The following KIF26B variants were observed in gnomAD, a reference collection of about 807,000 sequenced individuals.
The protein encoded by KIF26B is kinesin family member 26B.
KIF26B carries 63 observed loss-of-function variants against 151.2 expected under a neutral mutation model. The ratio of observed to expected loss-of-function variants is 0.42; its 90% CI spans 0.34 to 0.51. The LOEUF is 0.51. Among genes scored for constraint, KIF26B ranks in the 20% least tolerant of loss-of-function variants. The probability of loss-of-function intolerance (pLI) is 0.07; values close to 1 mark genes in which losing one functional copy is unlikely to be tolerated. For synonymous variants in KIF26B, 1,357 were observed against 1,262.1 expected (o/e 1.08, Z -1.59); for missense variants, 2,813 against 2,913.6 (o/e 0.97, Z 0.79).
chr1:245,188,899 G>A lies in KIF26B; in HGVS notation c.465+32216G>A, dbSNP rs142275437. ...GAAAAGGAGTGAAATTCTGAAACAGGCTACAACATGGATGAACCTTGGAGA... is the reference window on the plus strand; with the variant it reads ...GAAAAGGAGTGAAATTCTGAAACAGACTACAACATGGATGAACCTTGGAGA... On this transcript the variant is annotated intron_variant, in intron 2 of 14. Transcript: ENST00000407071. Among the ~76,000 whole-genome samples, 685 of 152,294 alleles carry A rather than the reference G, an allele frequency of 4.5e-3. 6 individuals are homozygous for A. Among genetic ancestry groups the A allele is most frequent in the African/African-American group, 0.015 (634 of 41,556 alleles).
At position 245,708,299 on chromosome 1, in the gene KIF26B, G is replaced by A. The variant is rs368223577; in HGVS notation, c.*5693G>A. On this transcript the variant is annotated 3_prime_UTR_variant, in exon 15 of 15. Transcript: ENST00000407071. ...ATTAAAGGTCTGTCTAGGAGCTGGG[G>A]GTAATCATTTACAGATGAAGAAACT... is the stretch of plus-strand genomic sequence containing the variant. The A allele has an allele frequency of 1.3e-5, 2 of 152,216 alleles. No individual in the cohort carries two copies. The highest frequency in any genetic ancestry group is 2.4e-5 in the African/African-American group (1 of 41,446). 9.4% of individuals were successfully genotyped at this position (152,216 alleles called of 1,614,324 possible). A position where few individuals can be genotyped will look rare whatever the true frequency, so the allele number is the denominator to read the frequency against.
At chr1:245,280,541 A>AAAAAAAAAG (rs74163032) in intron 2 of KIF26B, among the ~76,000 whole-genome samples, 1 of 140,162 alleles carries the variant, frequency 7.1e-6, no homozygotes, top group Admixed American at 7.3e-5. Flanking sequence ...AAAAAAAAAA[A>AAAAAAAAAG]GAAAAGAAAT....
chr1:245,553,025 G>T (rs965479940), intron 5 of KIF26B, among the ~76,000 whole-genome samples: 9 of 152,210 alleles, frequency 5.9e-5, no homozygotes, highest in Non-Finnish European at 8.8e-5. Flanking sequence ...ATTCCTAGAG[G>T]TGACACCGCT....
In KIF26B at chr1:245,534,221, G is replaced by C. The variant is rs375206868; in HGVS notation, c.1167-6546G>C. ...GCTGTCCCCCAGGCTGGTGTGCAGT[G>C]GCGTGATCTTGGCTCACTGCAACCT... On this transcript the variant is annotated intron_variant, in intron 4 of 14. Coordinates refer to ENST00000407071, the MANE Select transcript of KIF26B (RefSeq NM_018012.4). Among the ~76,000 whole-genome samples, 512 of 151,818 alleles carry C rather than the reference G, an allele frequency of 3.4e-3. 4 individuals are homozygous for C. The highest frequency in any genetic ancestry group is 0.011 in the African/African-American group (461 of 41,322).
chr1:245,391,618 G>A lies in KIF26B; in HGVS notation c.999+24251G>A, dbSNP rs1376141233. On this transcript the variant is annotated intron_variant, in intron 3 of 14. Coordinates refer to ENST00000407071, the MANE Select transcript of KIF26B (RefSeq NM_018012.4). Reference sequence around the variant, plus strand: ...GTCATGCCTTCCAAGATCATGCCACGGCACTCCAGCCTGAGTGACAAAGTA... The same window carrying A: ...GTCATGCCTTCCAAGATCATGCCACAGCACTCCAGCCTGAGTGACAAAGTA... Among the ~76,000 whole-genome samples the A allele has an allele frequency of 6.0e-5, 9 of 149,244 alleles. No individual in the cohort carries two copies. In the South Asian group the frequency reaches 8.4e-4, roughly 14 times the overall value.
At chr1:245,414,054 G>T (rs1005011234) in intron 3 of KIF26B, among the ~76,000 whole-genome samples, 1 of 152,238 alleles carries the variant, frequency 6.6e-6, no homozygotes, top group Admixed American at 6.5e-5. Context: ...CCTGTCCTTA[G>T]CTCTGTCTTG....
intron 5 of KIF26B, among the ~76,000 whole-genome samples, chr1:245,550,703 C>T (rs1009475143): frequency 8.5e-5 from 13 of 152,144 alleles, no homozygotes; most frequent in Non-Finnish European, 1.3e-4. Context: ...TGTTATGTCC[C>T]GGGGTCTGAA....
chr1:245,253,124 C>G (rs1236515058), intron 2 of KIF26B, among the ~76,000 whole-genome samples: 1 of 150,784 alleles, frequency 6.6e-6, no homozygotes, highest in African/African-American at 2.4e-5. Flanking sequence ...GTTCTCCTGT[C>G]TCAGCCTCCC....
intron 9 of KIF26B, among the ~76,000 whole-genome samples, chr1:245,645,283 A>G (rs968899690): frequency 2.6e-5 from 4 of 152,178 alleles, no homozygotes; most frequent in African/African-American, 7.2e-5. Context: ...TCACATTTCA[A>G]CATGAGATTT....
At chr1:245,329,212 T>C (rs2102990363) in intron 2 of KIF26B, among the ~76,000 whole-genome samples, 1 of 152,306 alleles carries the variant, frequency 6.6e-6, no homozygotes, top group African/African-American at 2.4e-5. Context: ...GTTTCCCAGT[T>C]GGGATCAATT....
chr1:245,429,142 A>G (rs1253409109), intron 4 of KIF26B, among the ~76,000 whole-genome samples: 1 of 152,232 alleles, frequency 6.6e-6, no homozygotes, highest in Non-Finnish European at 1.5e-5. Context: ...AATGGAGATC[A>G]TCATATCTGC....
At chr1:245,648,270 T>C (rs1190557665) in intron 10 of KIF26B, among the ~76,000 whole-genome samples, 1 of 152,268 alleles carries the variant, frequency 6.6e-6, no homozygotes, top group Non-Finnish European at 1.5e-5. Flanking sequence ...GATAGATGCA[T>C]GTAAACATGA....
At chr1:245,565,054 T>G (rs2042996046) in intron 5 of KIF26B, among the ~76,000 whole-genome samples, 1 of 152,174 alleles carries the variant, frequency 6.6e-6, no homozygotes, top group Admixed American at 6.5e-5. Context: ...TAGGGATCAC[T>G]TGAGCCCAGG....
At chr1:245,275,900 C>T (rs1007483684) in intron 2 of KIF26B, among the ~76,000 whole-genome samples, 3 of 152,118 alleles carry the variant, frequency 2.0e-5, no homozygotes, top group African/African-American at 4.8e-5. Flanking sequence ...TGGAAAGTAT[C>T]CTTCGTTGAC....
Position 245,702,917 on chromosome 1 carries a change from C to G in KIF26B, c.*311C>G. ...ACATAAGAACTGCTAGCAAAAGAGA[C>G]CTCACTCTTCTCTTGCTTTCGTGAG... On this transcript the variant is annotated 3_prime_UTR_variant, in exon 15 of 15. Transcript: ENST00000407071. This position sits in a 1 kb window ranked among gnomAD's most constrained non-coding sequence, Gnocchi z 4.1. The G allele has an allele frequency of 3.4e-6, 1 of 297,064 alleles. No individual in the cohort carries two copies. Among genetic ancestry groups the G allele is most frequent in the Non-Finnish European group, 6.2e-6 (1 of 161,670 alleles). The allele number at this position is 297,064 out of a possible 1,614,324, so 18.4% of individuals were successfully genotyped here.
intron 4 of KIF26B, among the ~76,000 whole-genome samples, chr1:245,452,613 T>TA (rs1208811512): frequency 1.3e-5 from 2 of 151,926 alleles, no homozygotes; most frequent in Admixed American, 1.3e-4. Context: ...TCCTTTTTTT[T>TA]AAAAAAAGAA....
intron 10 of KIF26B, among the ~76,000 whole-genome samples, chr1:245,662,779 A>G: frequency 1.1e-5 from 1 of 88,934 alleles, no homozygotes; most frequent in Non-Finnish European, 2.1e-5. Flanking sequence ...ACACACATGC[A>G]TGCCCTGGGT....
intron 2 of KIF26B, among the ~76,000 whole-genome samples, chr1:245,222,311 T>G (rs1312598946): frequency 6.6e-6 from 1 of 151,920 alleles, no homozygotes; most frequent in Non-Finnish European, 1.5e-5. Flanking sequence ...GTGGTGGGTG[T>G]CTGTAATCTC....
chr1:245,559,570 C>G (rs760859867), intron 5 of KIF26B, among the ~76,000 whole-genome samples: 13 of 150,914 alleles, frequency 8.6e-5, no homozygotes, highest in Non-Finnish European at 1.8e-4. Context: ...CGCCCCCACA[C>G]CTGCCTAATT....
Sources: allele counts gnomAD v4.1 joint callset (sites outside exome capture counted in the v4.1 genomes callset), GRCh38; gene constraint gnomAD v4.1.1; non-coding constraint Gnocchi (gnomAD v3.1); transcripts MANE v1.5; gene names NCBI Gene and HGNC (gene_info 2026-07-23, HGNC 2026-07-21).